The following SIGIRR variants were observed in gnomAD, a reference collection of about 807,000 sequenced individuals.
The protein encoded by SIGIRR is single Ig IL-1-related receptor.
SIGIRR carries 41 observed loss-of-function variants against 45.6 expected under a neutral mutation model. That is an observed-to-expected ratio of 0.90 (90% confidence interval 0.70 to 1.17). The LOEUF (loss-of-function observed/expected upper bound fraction) is 1.17. Among genes scored for constraint, SIGIRR ranks in the 50% most tolerant of loss-of-function variants. SIGIRR has a pLI of 0.00. For missense variants in SIGIRR, 599 were observed against 539.6 expected (o/e 1.11, Z -1.09); for synonymous variants, 298 against 239.0 (o/e 1.25, Z -2.28).
At chr11:409,197 C>G in intron 2 of SIGIRR, 1 of 493,826 alleles carries the variant, frequency 2.0e-6, no homozygotes. Flanking sequence ...TGAGTCCAGC[C>G]CCCCATTTCC....
At position 406,013 on chromosome 11, in the gene SIGIRR, G is replaced by A. The variant is rs781481498; in HGVS notation, c.1116C>T (p.Thr372=). 3.1e-6 allele frequency: 5 copies of A among 1,608,794 alleles called. No individual in the cohort carries two copies. In the African/African-American group the frequency reaches 6.7e-5, roughly 22 times the overall value. ...VFGEPSAPPH[T]SGVSLGESRS... is the part of the protein sequence containing the mutation. ...GGCTCTCTCCCAGCGAGACCCCACT[G>A]GTGTGCGGTGGAGCTGATGGCTCTC... Residue 372 remains threonine, a synonymous_variant, in exon 10 of 10, where the codon ACC becomes ACT. Coordinates refer to ENST00000431843, the MANE Select transcript of SIGIRR (RefSeq NM_001135054.2).
intron 5 of SIGIRR, 49 bp from the exon 6 acceptor site, chr11:407,617 G>A: frequency 6.3e-7 from 1 of 1,589,934 alleles, no homozygotes; most frequent in Non-Finnish European, 8.6e-7. Context: ...CCTCACACCA[G>A]CCCTCGGGGT....
chr11:407,698 C>G, intron 5 of SIGIRR, 119 bp downstream of exon 5: 2 of 1,562,602 alleles, frequency 1.3e-6, no homozygotes, highest in Admixed American at 1.8e-5. Context: ...CCAGCCGGGC[C>G]GCACAGAGCA....
chr11:413,778 G>C (rs1223180911), intron 1 of SIGIRR, among the ~76,000 whole-genome samples: 10 of 105,854 alleles, frequency 9.4e-5, no homozygotes, highest in Non-Finnish European at 1.9e-4. Flanking sequence ...CCTCTCCTCT[G>C]CCTGCCTCCC....
rs376778033 is a variant in SIGIRR, at chr11:406,492, C to T, written c.926G>A (p.Arg309Gln). 10 of 1,611,588 alleles carry T rather than the reference C, an allele frequency of 6.2e-6. No individual in the cohort carries two copies. In the Admixed American group the frequency reaches 1.0e-4, roughly 16 times the overall value. The change falls in exon 9 of 10, where the codon CGG becomes CAG. Residue 309 changes from arginine (R) to glutamine (Q), a missense_variant. By Grantham distance (43) the Arg-to-Gln change is conservative. Transcript: ENST00000431843. ...FWKEVQLALP[R>Q]KVQYRPVEGD... ...TTCCACAGGCCTGTACTGCACCTTC[C>T]GCGGCAGCGCCAGCTGCACTTCTTT...
chr11:410,714 GC>G (rs1847565327), intron 1 of SIGIRR, among the ~76,000 whole-genome samples: 1 of 96,828 alleles, frequency 1.0e-5, no homozygotes, highest in African/African-American at 4.3e-5. Context: ...GGAGGGGGTT[GC>G]CCAGCTCTGA....
Position 407,177 on chromosome 11 carries a change from G to A in SIGIRR, c.626-13C>T. 3.6e-6 allele frequency: 5 copies of A among 1,396,562 alleles called. No homozygotes were observed. Among genetic ancestry groups the A allele is most frequent in the South Asian group, 1.4e-5 (1 of 70,028 alleles). 86.5% of individuals were successfully genotyped at this position (1,396,562 alleles called of 1,614,324 possible). ...TCGGCGGAGGGCTCTGCGGGAGGGC[G>A]GGCGTCGGCGGCGCAGGGGCGGGGG... On this transcript the variant is annotated splice_polypyrimidine_tract_variant and intron_variant, in intron 6 of 9. Transcript: ENST00000431843.
In SIGIRR at chr11:407,358, ACGGAGCATGGGG is replaced by A. The variant is rs1478011595; in HGVS notation, c.625+55_625+66del. On this transcript the variant is annotated intron_variant, in intron 6 of 9. Coordinates refer to ENST00000431843, the MANE Select transcript of SIGIRR (RefSeq NM_001135054.2). ...TGGTGGGGGTGGGGCCCCGGGTGGG[ACGGAGCATGGGG>A]CGGGGCGGGGCGGGCCCTCCGGGTG... 2.7e-6 allele frequency: 3 copies of A among 1,118,538 alleles called. No homozygotes were observed. The East Asian group carries it at 9.8e-5, about 37-fold the overall frequency. 69.3% of individuals were successfully genotyped at this position (1,118,538 alleles called of 1,614,324 possible). A position where few individuals can be genotyped will look rare whatever the true frequency, so the allele number is the denominator to read the frequency against.
At position 407,169 on chromosome 11, in the gene SIGIRR, G is replaced by A. The variant is rs780267083; in HGVS notation, c.626-5C>T. On this transcript the variant is annotated splice_region_variant and splice_polypyrimidine_tract_variant and intron_variant, in intron 6 of 9. Coordinates refer to ENST00000431843, the MANE Select transcript of SIGIRR (RefSeq NM_001135054.2). ...CCAAGAGGTCGGCGGAGGGCTCTGC[G>A]GGAGGGCGGGCGTCGGCGGCGCAGG... 6 of 1,454,470 alleles carry A rather than the reference G, an allele frequency of 4.1e-6. No individual in the cohort carries two copies. In the South Asian group the frequency reaches 6.6e-5, roughly 16 times the overall value. 90.1% of individuals were successfully genotyped at this position (1,454,470 alleles called of 1,614,324 possible). A position where few individuals can be genotyped will look rare whatever the true frequency, so the allele number is the denominator to read the frequency against.
intron 1 of SIGIRR, 145 bp downstream of exon 1, chr11:414,678 C>T (rs1590395111): frequency 1.1e-5 from 5 of 440,922 alleles, no homozygotes; most frequent in South Asian, 9.4e-5. Context: ...CACCCTTGGC[C>T]GCTGATGCGA....
chr11:410,730 G>A (rs1247577098), intron 1 of SIGIRR, among the ~76,000 whole-genome samples: 1 of 99,200 alleles, frequency 1.0e-5, no homozygotes, highest in Non-Finnish European at 2.0e-5. Flanking sequence ...CTCTGACCAT[G>A]TCTGGATGCA....
chr11:410,416 C>A (rs1191131310), intron 1 of SIGIRR, among the ~76,000 whole-genome samples: 1 of 152,184 alleles, frequency 6.6e-6, no homozygotes. Context: ...AGAGACACAG[C>A]CTGGCCTTGG....
intron 3 of SIGIRR, 109 bp downstream of exon 3, chr11:408,586 T>A: frequency 7.6e-6 from 10 of 1,307,838 alleles, no homozygotes; most frequent in Non-Finnish European, 1.1e-5. Context: ...GGCACTCTGC[T>A]CGTGACATGT....
In SIGIRR at chr11:405,782, G is replaced by GCTGCTGGCAGGGTCCCAGGA; in HGVS notation, c.*113_*114insTCCTGGGACCCTGCCAGCAG. On this transcript the variant is annotated 3_prime_UTR_variant, in exon 10 of 10. Coordinates refer to ENST00000431843, the MANE Select transcript of SIGIRR (RefSeq NM_001135054.2). ...CCTGAGGCCACAGCCTTTTCCCAGGGCTGCTGGCAGGGTCCCAGGGCTGCT... is the reference window on the plus strand; with the variant it reads ...CCTGAGGCCACAGCCTTTTCCCAGGGCTGCTGGCAGGGTCCCAGGACTGCTGGCAGGGTCCCAGGGCTGCT... 7.5e-7 allele frequency: 1 copy of GCTGCTGGCAGGGTCCCAGGA among 1,339,002 alleles called. No individual in the cohort carries two copies. Among genetic ancestry groups the GCTGCTGGCAGGGTCCCAGGA allele is most frequent in the Non-Finnish European group, 1.0e-6 (1 of 993,096 alleles). The allele number at this position is 1,339,002 out of a possible 1,614,324, so 82.9% of individuals were successfully genotyped here. A position where few individuals can be genotyped will look rare whatever the true frequency, so the allele number is the denominator to read the frequency against.
At position 406,539 on chromosome 11, in the gene SIGIRR, C is replaced by T. The variant is rs1847313449; in HGVS notation, c.880-1G>A. ...CTTTCCAAAAATCGGAGGAAGGAGTCTGGGGGCCAGGTCGGGGCGGTTTGC... is the reference window on the plus strand; with the variant it reads ...CTTTCCAAAAATCGGAGGAAGGAGTTTGGGGGCCAGGTCGGGGCGGTTTGC... On this transcript the variant is annotated splice_acceptor_variant, in intron 8 of 9. Coordinates refer to ENST00000431843, the MANE Select transcript of SIGIRR (RefSeq NM_001135054.2). LOFTEE classifies it high-confidence loss of function. The T allele has an allele frequency of 2.5e-6, 4 of 1,607,416 alleles. No homozygotes were observed. Among genetic ancestry groups the T allele is most frequent in the Non-Finnish European group, 3.4e-6 (4 of 1,176,068 alleles).
chr11:410,735 G>A (rs1847566129), intron 1 of SIGIRR, among the ~76,000 whole-genome samples: 1 of 82,508 alleles, frequency 1.2e-5, no homozygotes, highest in Admixed American at 1.3e-4. Flanking sequence ...ACCATGTCTG[G>A]ATGCAGTCGG....
At chr11:410,166 C>A in intron 1 of SIGIRR, 139 bp from the exon 2 acceptor site, 2 of 747,066 alleles carry the variant, frequency 2.7e-6, no homozygotes, top group Non-Finnish European at 3.7e-6. Flanking sequence ...CGGAGGCCAG[C>A]AGGGTGTCTC....
In SIGIRR at chr11:407,404, ACGGGGTGGGGCC is replaced by A. The variant is rs766849099; in HGVS notation, c.625+9_625+20del. ...GGCGGGCCCTCCGGGTGGGCGGGGC[ACGGGGTGGGGCC>A]CGGGATACCAGCGCGCGGCAGGAGG... On this transcript the variant is annotated intron_variant, in intron 6 of 9. Transcript: ENST00000431843. The A allele has an allele frequency of 5.9e-4, 789 of 1,331,356 alleles. 1 individual carries two copies. Among genetic ancestry groups the A allele is most frequent in the Non-Finnish European group, 6.4e-4 (650 of 1,020,404 alleles). 82.5% of individuals were successfully genotyped at this position (1,331,356 alleles called of 1,614,324 possible).
rs761512763 is a variant in SIGIRR, at chr11:407,003, G to C, written c.729-10C>G. On this transcript the variant is annotated splice_polypyrimidine_tract_variant and intron_variant, in intron 7 of 9. Transcript: ENST00000431843. Reference sequence around the variant, plus strand: ...CCGGCACAGGCCCTCCCTGCGGGGCGGGACCGTCAGGGGGGTGGGTGCTAC... The same window carrying C: ...CCGGCACAGGCCCTCCCTGCGGGGCCGGACCGTCAGGGGGGTGGGTGCTAC... 6.3e-5 allele frequency: 100 copies of C among 1,591,794 alleles called. No homozygotes were observed. In the East Asian group the frequency reaches 1.2e-3, roughly 19 times the overall value.
Sources: allele counts gnomAD v4.1 joint callset (sites outside exome capture counted in the v4.1 genomes callset), GRCh38; gene constraint gnomAD v4.1.1; transcripts MANE v1.5; gene names NCBI Gene and HGNC (gene_info 2026-07-23, HGNC 2026-07-21).